The following PCDH7 variants were observed in gnomAD, a reference collection of about 807,000 sequenced individuals.
The protein encoded by PCDH7 is protocadherin-7.
Under a neutral mutation model 58.9 loss-of-function variants are expected in PCDH7, and 17 were observed. The ratio of observed to expected loss-of-function variants is 0.29; its 90% CI spans 0.20 to 0.43. The LOEUF (loss-of-function observed/expected upper bound fraction) is 0.43, where lower values mean the gene tolerates loss of function less well. Ranked by LOEUF, PCDH7 falls within the 20% of genes least tolerant of loss-of-function variation. PCDH7 has a pLI of 1.00. For missense variants in PCDH7, 1,274 were observed against 1,441.0 expected, an observed-to-expected ratio of 0.88 and a Z score of 1.88; for synonymous variants, 664 against 616.4, an observed-to-expected ratio of 1.08 and a Z score of -1.14.
intron 1 of PCDH7, among the ~76,000 whole-genome samples, chr4:30,752,460 G>T (rs186442268): frequency 6.6e-6 from 1 of 152,118 alleles, no homozygotes; most frequent in Non-Finnish European, 1.5e-5. Flanking sequence ...CAGCTACCTG[G>T]TGTCTCCTCT....
chr4:31,058,494 T>C (rs1289772774), intron 3 of PCDH7, among the ~76,000 whole-genome samples: 1 of 152,046 alleles, frequency 6.6e-6, no homozygotes, highest in African/African-American at 2.4e-5. Context: ...ATCATTTTAG[T>C]TAGGCAGAGT....
intron 1 of PCDH7, among the ~76,000 whole-genome samples, chr4:30,832,011 C>T (rs16884154): frequency 0.01 from 1,576 of 152,162 alleles, 36 homozygotes; most frequent in African/African-American, 0.036. Flanking sequence ...AGTACTTAAA[C>T]GATTCTCAAA....
intron 1 of PCDH7, among the ~76,000 whole-genome samples, chr4:30,864,209 A>G (rs148815656): frequency 1.3e-5 from 2 of 152,114 alleles, no homozygotes; most frequent in East Asian, 3.9e-4. Flanking sequence ...ACTAGGAGCA[A>G]TTAATTACAC....
intron 1 of PCDH7, among the ~76,000 whole-genome samples, chr4:30,741,891 T>G (rs1181454134): frequency 6.6e-6 from 1 of 152,210 alleles, no homozygotes; most frequent in African/African-American, 2.4e-5. Flanking sequence ...CAAGGAGGGT[T>G]CAAGAGAAGA....
At chr4:30,828,085 C>A (rs973630987) in intron 1 of PCDH7, among the ~76,000 whole-genome samples, 5 of 152,032 alleles carry the variant, frequency 3.3e-5, no homozygotes, top group African/African-American at 1.2e-4. Context: ...AAAGCACATT[C>A]TTTGTGCTGT....
chr4:31,005,964 G>A (rs762899805), intron 3 of PCDH7, among the ~76,000 whole-genome samples: 18 of 152,176 alleles, frequency 1.2e-4, no homozygotes, highest in Non-Finnish European at 2.2e-4. Context: ...CTTTGGACAA[G>A]TTCATCTCGA....
At chr4:30,800,899 C>G (rs1435115105) in intron 1 of PCDH7, among the ~76,000 whole-genome samples, 1 of 152,186 alleles carries the variant, frequency 6.6e-6, no homozygotes, top group Non-Finnish European at 1.5e-5. Flanking sequence ...ATCCTATAAA[C>G]ATTTGGAAGT....
At chr4:30,733,273 A>T (rs2109240097), downstream of PCDH7, among the ~76,000 whole-genome samples, 1 of 152,332 alleles carries the variant, frequency 6.6e-6, no homozygotes, top group East Asian at 1.9e-4. Flanking sequence ...GAGAAGGAAT[A>T]TGAGATGCTA....
intron 1 of PCDH7, among the ~76,000 whole-genome samples, chr4:30,789,710 C>G (rs1723860738): frequency 6.6e-6 from 1 of 152,026 alleles, no homozygotes; most frequent in South Asian, 2.1e-4. Flanking sequence ...GAGCACTGGT[C>G]ACACTGAATT....
intron 1 of PCDH7, among the ~76,000 whole-genome samples, chr4:30,827,633 T>C (rs2109327354): frequency 6.6e-6 from 1 of 152,298 alleles, no homozygotes; most frequent in South Asian, 2.1e-4. Context: ...GTTAAAATGT[T>C]ATCTCATATA....
intron 3 of PCDH7, among the ~76,000 whole-genome samples, chr4:31,118,537 TAAAAAAGAA>T (rs1304550073): frequency 2.0e-5 from 3 of 151,822 alleles, no homozygotes; most frequent in Admixed American, 1.3e-4. Context: ...CAGTAACTCC[TAAAAAAGAA>T]AAAAAAGAAG....
At chr4:30,847,832 C>T (rs1239816832) in intron 1 of PCDH7, among the ~76,000 whole-genome samples, 1 of 152,038 alleles carries the variant, frequency 6.6e-6, no homozygotes, top group Admixed American at 6.6e-5. Flanking sequence ...AGCACTCTTC[C>T]TTTATTACTT....
At chr4:31,022,235 A>G (rs1160861009) in intron 3 of PCDH7, among the ~76,000 whole-genome samples, 3 of 152,142 alleles carry the variant, frequency 2.0e-5, no homozygotes, top group East Asian at 3.9e-4. Flanking sequence ...CATGTGTTTA[A>G]TGTGGAAAAC....
chr4:31,137,559 G>C (rs973264819), intron 3 of PCDH7, among the ~76,000 whole-genome samples: 2 of 152,252 alleles, frequency 1.3e-5, no homozygotes, highest in East Asian at 3.9e-4. Context: ...ACTCCAGCCT[G>C]GATGACAGAG....
chr4:31,035,860 A>G (rs1755367673), intron 3 of PCDH7, among the ~76,000 whole-genome samples: 1 of 152,114 alleles, frequency 6.6e-6, no homozygotes, highest in South Asian at 2.1e-4. Context: ...GTTTGTGTGT[A>G]ATTATTTTTT....
intron 1 of PCDH7, among the ~76,000 whole-genome samples, chr4:30,872,938 C>T (rs957890331): frequency 3.3e-5 from 5 of 152,052 alleles, no homozygotes; most frequent in African/African-American, 9.7e-5. Flanking sequence ...TGTGTAAGCA[C>T]TCAGTAAATG....
chr4:31,083,065 G>A (rs528089675), intron 3 of PCDH7, among the ~76,000 whole-genome samples: 6 of 152,164 alleles, frequency 3.9e-5, no homozygotes, highest in South Asian at 2.1e-4. Flanking sequence ...CGGAGATTGC[G>A]CCACTGCACT....
chr4:30,947,445 C>G (rs1746840422), intron 2 of PCDH7, among the ~76,000 whole-genome samples: 1 of 152,042 alleles, frequency 6.6e-6, no homozygotes, highest in South Asian at 2.1e-4. Flanking sequence ...TTGTCCATAC[C>G]AAATGCCTCA....
At chr4:30,895,637 G>C (rs977124475) in intron 1 of PCDH7, among the ~76,000 whole-genome samples, 3 of 151,784 alleles carry the variant, frequency 2.0e-5, no homozygotes, top group African/African-American at 7.3e-5. Context: ...TTTTTTTTCA[G>C]CTACCTTGCA....
Sources: allele counts gnomAD v4.1 joint callset (sites outside exome capture counted in the v4.1 genomes callset), GRCh38; gene constraint gnomAD v4.1.1; transcripts MANE v1.5; gene names NCBI Gene and HGNC (gene_info 2026-07-23, HGNC 2026-07-21).